The following SNTG2 variants were observed in gnomAD, a reference collection of about 807,000 sequenced individuals.
SNTG2 encodes syntrophin gamma 2.
SNTG2 carries 74 observed loss-of-function variants against 70.9 expected under a neutral mutation model. The ratio of observed to expected loss-of-function variants is 1.04; its 90% CI spans 0.86 to 1.27. SNTG2 has a LOEUF of 1.27. Ranked by LOEUF, SNTG2 falls within the 50% of genes most tolerant of loss-of-function variation. The pLI is 0.00. For missense variants in SNTG2, 717 were observed against 690.7 expected, an observed-to-expected ratio of 1.04 and a Z score of -0.43; for synonymous variants, 278 against 273.8, an observed-to-expected ratio of 1.02 and a Z score of -0.15.
chr2:1,273,635 T>TTA (rs34553294), intron 14 of SNTG2, among the ~76,000 whole-genome samples: 2,122 of 147,930 alleles, frequency 0.014, 25 homozygotes, highest in African/African-American at 0.039. Flanking sequence ...TACATAAATA[T>TTA]TATATATATA....
intron 6 of SNTG2, among the ~76,000 whole-genome samples, chr2:1,149,192 C>CGTGT (rs1350793354): frequency 6.0e-4 from 1 of 1,670 alleles, no homozygotes; most frequent in African/African-American, 2.4e-3. Context: ...TCTTGTCGGA[C>CGTGT]GTGTGTGTGT....
At chr2:1,244,770 G>A (rs1677309328) in intron 11 of SNTG2, among the ~76,000 whole-genome samples, 1 of 150,616 alleles carries the variant, frequency 6.6e-6, no homozygotes, top group Non-Finnish European at 1.5e-5. Flanking sequence ...TAGAAATTCT[G>A]GTTCCACACT....
intron 7 of SNTG2, among the ~76,000 whole-genome samples, chr2:1,167,937 G>A (rs1407191873): frequency 8.3e-6 from 1 of 121,100 alleles, no homozygotes. Context: ...CCCACAGACG[G>A]CAGAACTGAA....
intron 1 of SNTG2, among the ~76,000 whole-genome samples, chr2:1,012,733 A>G (rs574891569): frequency 7.8e-5 from 8 of 102,772 alleles, no homozygotes; most frequent in African/African-American, 2.0e-4. Flanking sequence ...AGAGGGATTT[A>G]TAAGGACAGA....
At chr2:1,304,230 C>T (rs1009880929) in intron 14 of SNTG2, among the ~76,000 whole-genome samples, 5 of 152,180 alleles carry the variant, frequency 3.3e-5, no homozygotes, top group Admixed American at 1.3e-4. Context: ...GGCAGATGCA[C>T]GCCTGCTGTT....
Position 1,066,700 on chromosome 2 carries a change from G to A in SNTG2, c.73-16818G>A, listed in dbSNP as rs563489633. Among the ~76,000 whole-genome samples, 122 of 152,206 alleles carry A rather than the reference G, an allele frequency of 8.0e-4. 1 individual carries two copies. Among genetic ancestry groups the A allele is most frequent in the African/African-American group, 2.6e-3 (109 of 41,490 alleles). ...ATTGTTGCATAGAATAAGAGAAGAC[G>A]ATGCTTCAAAACGACGATTTTTTTT... On this transcript the variant is annotated intron_variant, in intron 1 of 16. Transcript: ENST00000308624.
At chr2:1,123,846 A>AAGT (rs1667530774) in intron 4 of SNTG2, among the ~76,000 whole-genome samples, 1 of 152,190 alleles carries the variant, frequency 6.6e-6, no homozygotes, top group Middle Eastern at 3.2e-3. Context: ...TTAATAGAAC[A>AAGT]AGTAAACCAA....
At chr2:1,114,416 CTAAG>C (rs1666779849) in intron 4 of SNTG2, among the ~76,000 whole-genome samples, 2 of 151,650 alleles carry the variant, frequency 1.3e-5, no homozygotes, top group African/African-American at 4.8e-5. Context: ...ATCATGTGTA[CTAAG>C]TGAGGTTTAA....
At chr2:1,044,859 T>C (rs879066908) in intron 1 of SNTG2, among the ~76,000 whole-genome samples, 2 of 152,100 alleles carry the variant, frequency 1.3e-5, no homozygotes, top group African/African-American at 4.8e-5. Flanking sequence ...TTCTTTTTTT[T>C]GATGTGTCGC....
chr2:1,351,530 G>A (rs897485150), intron 16 of SNTG2, among the ~76,000 whole-genome samples: 3 of 152,036 alleles, frequency 2.0e-5, no homozygotes, highest in Admixed American at 6.5e-5. Flanking sequence ...AATCTAACCC[G>A]ACGAATCTGA....
intron 16 of SNTG2, among the ~76,000 whole-genome samples, chr2:1,360,493 A>G (rs150368781): frequency 1.6e-3 from 240 of 152,196 alleles, no homozygotes; most frequent in Non-Finnish European, 2.8e-3. Flanking sequence ...GGATCAAGAT[A>G]TTTTTATTTC....
chr2:1,296,593 G>A (rs917543912), intron 14 of SNTG2, among the ~76,000 whole-genome samples: 4 of 152,212 alleles, frequency 2.6e-5, no homozygotes, highest in South Asian at 2.1e-4. Flanking sequence ...CACACTGGCC[G>A]GGCCTTTCCT....
chr2:1,074,464 T>C (rs1210315741), intron 1 of SNTG2, among the ~76,000 whole-genome samples: 3 of 152,172 alleles, frequency 2.0e-5, no homozygotes, highest in Non-Finnish European at 4.4e-5. Flanking sequence ...TTAAAACAGG[T>C]AGAATAAACA....
chr2:1,304,487 G>C (rs900454308), intron 14 of SNTG2, among the ~76,000 whole-genome samples: 3 of 152,116 alleles, frequency 2.0e-5, no homozygotes, highest in African/African-American at 7.2e-5. Context: ...AGCACTTTGG[G>C]AGGCCAAGGC....
At chr2:1,197,543 G>GTA (rs1443826336) in intron 8 of SNTG2, among the ~76,000 whole-genome samples, 5 of 138,480 alleles carry the variant, frequency 3.6e-5, no homozygotes, top group South Asian at 2.4e-4. Flanking sequence ...GTGTGTGTGT[G>GTA]TGTGTGTATA....
chr2:1,233,796 G>T (rs889302953), intron 9 of SNTG2, among the ~76,000 whole-genome samples: 1 of 152,148 alleles, frequency 6.6e-6, no homozygotes, highest in Non-Finnish European at 1.5e-5. Context: ...CTAAGGGCAC[G>T]AGGAAACCCT....
chr2:1,007,882 A>G (rs62104285), intron 1 of SNTG2, among the ~76,000 whole-genome samples: 12,160 of 152,128 alleles, frequency 0.08, 678 homozygotes, highest in South Asian at 0.21. Context: ...AGCTTCCTGA[A>G]TAGCTGGGAT....
At chr2:1,295,289 A>T (rs1680153704) in intron 14 of SNTG2, among the ~76,000 whole-genome samples, 1 of 152,126 alleles carries the variant, frequency 6.6e-6, no homozygotes, top group Admixed American at 6.5e-5. Flanking sequence ...AGGCTTGAGG[A>T]TCCGCCTCCT....
At chr2:1,064,373 A>G (rs1444857089) in intron 1 of SNTG2, among the ~76,000 whole-genome samples, 1 of 151,860 alleles carries the variant, frequency 6.6e-6, no homozygotes, top group African/African-American at 2.4e-5. Flanking sequence ...TTAAATATAA[A>G]AAGCACATAT....
Sources: allele counts gnomAD v4.1 joint callset (sites outside exome capture counted in the v4.1 genomes callset), GRCh38; gene constraint gnomAD v4.1.1; transcripts MANE v1.5; gene names NCBI Gene and HGNC (gene_info 2026-07-23, HGNC 2026-07-21).